CCDC88B: variants seen among roughly 807,000 people sequenced by gnomAD.
CCDC88B encodes coiled-coil and HOOK domain protein 88B, also known as coiled-coil domain-containing protein 88B.
A neutral mutation model predicts 183.7 loss-of-function variants in CCDC88B; 138 were observed. That is an observed-to-expected ratio of 0.75 (90% CI 0.65 to 0.87). The LOEUF is 0.87. Ranked by LOEUF, CCDC88B falls within the 40% of genes least tolerant of loss-of-function variation. The pLI, the probability that CCDC88B is intolerant of heterozygous loss-of-function variation, is 0.00. For missense variants in CCDC88B, 1,822 were observed against 1,965.6 expected (o/e 0.93, Z 1.38); for synonymous variants, 835 against 867.5 (o/e 0.96, Z 0.66).
chr11:64,356,591 A>C (rs1467514639), intron 26 of CCDC88B: 2 of 175,266 alleles, frequency 1.1e-5, no homozygotes, highest in African/African-American at 4.8e-5. Flanking sequence ...AACAAAAAAC[A>C]AAAAAACATA....
chr11:64,344,655 C>G lies in CCDC88B; in HGVS notation c.2114C>G (p.Ala705Gly). The G allele has an allele frequency of 6.2e-7, 1 of 1,613,966 alleles. No homozygotes were observed. The highest frequency in any genetic ancestry group is 8.5e-7 in the Non-Finnish European group (1 of 1,179,954). ...WQKPQQKSEG[A>G]LEVQVWEGPI... is the part of the protein sequence containing the mutation. ...AAACCACAGCAGAAGTCAGAAGGGG[C>G]TCTTGAGGTCCAGGTCTGGGAAGGC... The change falls in exon 14 of 27, where the codon GCT becomes GGT. Residue 705 changes from alanine to glycine, a missense_variant. Coordinates refer to ENST00000356786, the MANE Select transcript of CCDC88B (RefSeq NM_032251.6). The surrounding 1 kb of genome is among the most constrained non-coding windows in gnomAD (Gnocchi z 4.5).
At chr11:64,346,347 C>T (rs2135308211) in intron 14 of CCDC88B, among the ~76,000 whole-genome samples, 2 of 152,236 alleles carry the variant, frequency 1.3e-5, no homozygotes, top group East Asian at 3.9e-4. Context: ...TGGTTCATTG[C>T]AACCTCCGCC....
At position 64,343,838 on chromosome 11, in the gene CCDC88B, G is replaced by A. The variant is rs772181053; in HGVS notation, c.1379G>A (p.Arg460Gln). ...GAGGTGAGGGAGGCAGAGGCTGGGC[G>A]GCTTCGGACCCTTGAGAGGGAGAAC... is the stretch of plus-strand genomic sequence containing the variant. Reference protein sequence around the residue: ...QDEVREAEAGRLRTLERENRE... With the variant: ...QDEVREAEAGQLRTLERENRE... Residue 460 changes from arginine (R) to glutamine (Q), a missense_variant, in exon 13 of 27, where the codon CGG becomes CAG. Physicochemically the swap from Arg to Gln is conservative, Grantham distance 43. Transcript: ENST00000356786. 1.8e-5 allele frequency: 29 copies of A among 1,598,152 alleles called. No homozygotes were observed. The South Asian group carries it at 1.9e-4, about 11-fold the overall frequency.
At position 64,343,796 on chromosome 11, in the gene CCDC88B, C is replaced by A; in HGVS notation, c.1337C>A (p.Ala446Asp). 6.3e-7 allele frequency: 1 copy of A among 1,579,974 alleles called. No homozygotes were observed. Among genetic ancestry groups the A allele is most frequent in the South Asian group, 1.2e-5 (1 of 86,550 alleles). The change falls in exon 13 of 27, where the codon GCC (alanine) becomes GAC (aspartate). Residue 446 changes from alanine to aspartate, a missense_variant. By Grantham distance (126) the Ala-to-Asp change is moderately radical. Transcript: ENST00000356786. The part of the protein sequence containing the change: ...SPGEAPLAGA[A>D]PSLQDEVREA... ...TCCTCAGCACCCCTAGCAGGAGCGG[C>A]CCCCTCGCTGCAAGATGAGGTGAGG...
intron 24 of CCDC88B, 86 bp from the exon 25 acceptor site, chr11:64,355,108 C>A: frequency 1.0e-6 from 1 of 953,196 alleles, no homozygotes; most frequent in Non-Finnish European, 1.4e-6. Flanking sequence ...GAGCCTCAGC[C>A]TCCCCCCATT....
chr11:64,341,982 C>T lies in CCDC88B; in HGVS notation c.676-12C>T, dbSNP rs1284503921. 1.9e-6 allele frequency: 3 copies of T among 1,612,712 alleles called. No homozygotes were observed. The South Asian group carries it at 3.3e-5, about 18-fold the overall frequency. On this transcript the variant is annotated splice_polypyrimidine_tract_variant and intron_variant, in intron 7 of 26. Transcript: ENST00000356786. ...GATAAGTTAGTCCTGACCCTTGACC[C>T]CTGACCTACAGCGGCTGGCTGAACT...
In CCDC88B at chr11:64,349,039, G is replaced by A. The variant is rs1052092602; in HGVS notation, c.2617-292G>A. ...CCTTTCACTGCGCACATGAAGAACC[G>A]TGGGCTCAGAGAGGTGACGGCACTT... On this transcript the variant is annotated intron_variant, in intron 14 of 26. Coordinates refer to ENST00000356786, the MANE Select transcript of CCDC88B (RefSeq NM_032251.6). 7.0e-6 allele frequency: 5 copies of A among 717,350 alleles called. No homozygotes were observed. The Admixed American group carries it at 8.0e-5, about 11-fold the overall frequency. 44.4% of individuals were successfully genotyped at this position (717,350 alleles called of 1,614,324 possible). A position where few individuals can be genotyped will look rare whatever the true frequency, so the allele number is the denominator to read the frequency against.
chr11:64,351,316 A>G (rs2036320193), intron 17 of CCDC88B, 61 bp downstream of exon 17: 2 of 1,496,178 alleles, frequency 1.3e-6, no homozygotes, highest in Non-Finnish European at 9.0e-7. Flanking sequence ...GTGTGGGTCC[A>G]CGGTGGACCC....
chr11:64,349,510 G>A (rs369354998), intron 15 of CCDC88B, 41 bp from the exon 16 acceptor site: 23 of 1,568,692 alleles, frequency 1.5e-5, no homozygotes, highest in Non-Finnish European at 1.7e-5. Context: ...GTGGTGGGGC[G>A]AGGGTGGGGT....
At position 64,357,192 on chromosome 11, in the gene CCDC88B, C is replaced by A; in HGVS notation, c.*98C>A. On this transcript the variant is annotated 3_prime_UTR_variant, in exon 27 of 27. Coordinates refer to ENST00000356786, the MANE Select transcript of CCDC88B (RefSeq NM_032251.6). ...CAAGAGCTCAGGGAGCCAGGGACCC[C>A]AAGGGGAGTCCTTGGACAAGGAGGC... 7.0e-7 allele frequency: 1 copy of A among 1,426,294 alleles called. No homozygotes were observed. Among genetic ancestry groups the A allele is most frequent in the Non-Finnish European group, 9.9e-7 (1 of 1,010,208 alleles). 88.4% of individuals were successfully genotyped at this position (1,426,294 alleles called of 1,614,324 possible). A position where few individuals can be genotyped will look rare whatever the true frequency, so the allele number is the denominator to read the frequency against.
chr11:64,353,281 G>T, intron 21 of CCDC88B, 41 bp downstream of exon 21: 1 of 1,577,280 alleles, frequency 6.3e-7, no homozygotes, highest in Non-Finnish European at 8.6e-7. Flanking sequence ...CGTGTGGTGG[G>T]GCAGAAAGCC....
Position 64,351,179 on chromosome 11 carries a change from G to C in CCDC88B, c.2882G>C (p.Gly961Ala). ...ELFQLRQGPA[G>A]LGPKKRAEPQ... Reference sequence around the variant, plus strand: ...TTGCAGCTGCGCCAGGGCCCCGCGGGGCTGGGGCCCAAAAAGCGTGCGGAG... The same window carrying C: ...TTGCAGCTGCGCCAGGGCCCCGCGGCGCTGGGGCCCAAAAAGCGTGCGGAG... The change falls in exon 17 of 27, where the codon GGG (glycine) becomes GCG (alanine). Residue 961 changes from glycine (G) to alanine (A), a missense_variant. Coordinates refer to ENST00000356786, the MANE Select transcript of CCDC88B (RefSeq NM_032251.6). The C allele has an allele frequency of 6.7e-7, 1 of 1,501,598 alleles. No individual in the cohort carries two copies. Among genetic ancestry groups the C allele is most frequent in the South Asian group, 1.3e-5 (1 of 75,336 alleles). 93.0% of individuals were successfully genotyped at this position (1,501,598 alleles called of 1,614,324 possible).
chr11:64,350,018 C>T (rs531237194), intron 16 of CCDC88B: 282 of 275,038 alleles, frequency 1.0e-3, no homozygotes, highest in South Asian at 2.1e-3. Context: ...GGGCTCCACA[C>T]GGAGGGTGGG....
At chr11:64,341,210 G>A (rs776834402) in intron 4 of CCDC88B, 32 bp downstream of exon 4, 1 of 1,613,888 alleles carries the variant, frequency 6.2e-7, no homozygotes, top group South Asian at 1.1e-5. Context: ...TCCTGCCTCT[G>A]CCCCCGCACT....
Position 64,340,711 on chromosome 11 carries a change from C to T in CCDC88B, c.165C>T (p.Arg55=), listed in dbSNP as rs1345846423. The T allele has an allele frequency of 3.7e-6, 6 of 1,612,500 alleles. No individual in the cohort carries two copies. Among genetic ancestry groups the T allele is most frequent in the Non-Finnish European group, 5.1e-6 (6 of 1,179,812 alleles). Residue 55 remains arginine (R), a synonymous_variant, in exon 2 of 27, where the codon CGC becomes CGT. Coordinates refer to ENST00000356786, the MANE Select transcript of CCDC88B (RefSeq NM_032251.6). ...TTTGGTTGGAGAAGAGATTCCTGCG[C>T]CTCAGCGATGGGGCCCTGCTCCTCC... is the stretch of plus-strand genomic sequence containing the variant. ...PPLWLEKRFL[R]LSDGALLLRV... is the part of the protein sequence containing the mutation.
At chr11:64,345,592 G>A (rs1415755355) in intron 14 of CCDC88B, among the ~76,000 whole-genome samples, 1 of 152,210 alleles carries the variant, frequency 6.6e-6, no homozygotes, top group Non-Finnish European at 1.5e-5. Context: ...GAGAGCCCAT[G>A]GGAGGGTGAG....
In CCDC88B at chr11:64,353,056, C is replaced by A; in HGVS notation, c.3503C>A (p.Ala1168Asp). Reference sequence around the variant, plus strand: ...AGCAGCTCTCCTTGCCTCCCAAGGGCTCAGATGCTGCTGGCAGAGTTGTCT... The same window carrying A: ...AGCAGCTCTCCTTGCCTCCCAAGGGATCAGATGCTGCTGGCAGAGTTGTCT... ...LRRLQSEHDR[A>D]QMLLAELSRE... is the part of the protein sequence containing the mutation. Residue 1168 changes from alanine (A) to aspartate (D), a missense_variant and splice_region_variant, in exon 21 of 27, where the codon GCT becomes GAT. Physicochemically the swap from Ala to Asp is moderately radical, Grantham distance 126. Coordinates refer to ENST00000356786, the MANE Select transcript of CCDC88B (RefSeq NM_032251.6). 6.3e-7 allele frequency: 1 copy of A among 1,597,482 alleles called. No homozygotes were observed. The highest frequency in any genetic ancestry group is 8.5e-7 in the Non-Finnish European group (1 of 1,172,558).
Position 64,351,592 on chromosome 11 carries a change from G to T in CCDC88B, c.3075G>T (p.Ala1025=), listed in dbSNP as rs371395168. 13 of 1,564,706 alleles carry T rather than the reference G, an allele frequency of 8.3e-6. No homozygotes were observed. Among genetic ancestry groups the T allele is most frequent in the Non-Finnish European group, 1.1e-5 (13 of 1,163,658 alleles). ...AGCTGCTGCTGCAGAGCCAGCGGGC[G>T]CAGGAGCACAGCAGCCGCCTGCAGG... ...AQELLLQSQR[A]QEHSSRLQAE... Residue 1025 remains alanine, a synonymous_variant, in exon 18 of 27, where the codon GCG becomes GCT. Coordinates refer to ENST00000356786, the MANE Select transcript of CCDC88B (RefSeq NM_032251.6).
At position 64,352,863 on chromosome 11, in the gene CCDC88B, G is replaced by A. The variant is rs373041702; in HGVS notation, c.3476G>A (p.Arg1159Gln). The A allele has an allele frequency of 2.9e-5, 46 of 1,605,504 alleles. No individual in the cohort carries two copies. The highest frequency in any genetic ancestry group is 1.9e-4 in the African/African-American group (14 of 74,822). The change falls in exon 20 of 27, where the codon CGG becomes CAG. Residue 1159 changes from arginine (R) to glutamine (Q), a missense_variant. Coordinates refer to ENST00000356786, the MANE Select transcript of CCDC88B (RefSeq NM_032251.6). Reference sequence around the variant, plus strand: ...CAGCGGGGCCTGGAGGAGGAGCTGCGGAGGCTTCAGAGCGAGCACGACAGG... The same window carrying A: ...CAGCGGGGCCTGGAGGAGGAGCTGCAGAGGCTTCAGAGCGAGCACGACAGG... ...HRQRGLEEEL[R>Q]RLQSEHDRAQ...
Sources: allele counts gnomAD v4.1 joint callset (sites outside exome capture counted in the v4.1 genomes callset), GRCh38; gene constraint gnomAD v4.1.1; non-coding constraint Gnocchi (gnomAD v3.1); transcripts MANE v1.5; gene names NCBI Gene and HGNC (gene_info 2026-07-23, HGNC 2026-07-21).